DOCK9: variants seen among roughly 807,000 people sequenced by gnomAD.
DOCK9 encodes the protein dedicator of cytokinesis protein 9.
DOCK9 carries 89 observed loss-of-function variants against 263.3 expected under a neutral mutation model. The observed-to-expected ratio is 0.34, with a 90% confidence interval of 0.28 to 0.40. The LOEUF (loss-of-function observed/expected upper bound fraction) is 0.40, where lower values mean the gene tolerates loss of function less well. Among genes scored for constraint, DOCK9 ranks in the 10% least tolerant of loss-of-function variants. The pLI is 1.00. For missense variants in DOCK9, 2,140 were observed against 2,603.4 expected (o/e 0.82, Z 3.87); for synonymous variants, 976 against 973.1 (o/e 1.00, Z -0.06).
chr13:98,922,943 C>T (rs771764622), intron 5 of DOCK9, among the ~76,000 whole-genome samples: 1 of 152,174 alleles, frequency 6.6e-6, no homozygotes, highest in South Asian at 2.1e-4. Flanking sequence ...AAGAAATAGC[C>T]ATTTAAATCT....
In DOCK9 at chr13:98,829,844, G is replaced by A; in HGVS notation, c.4636-88C>T. The stretch of plus-strand genomic sequence containing the variant: ...CTGCGTTCAGTTAGGATGTGCCTAA[G>A]GACCCAGCAAAGTGGGGGTTGGGGG... On this transcript the variant is annotated intron_variant, in intron 41 of 52. Transcript: ENST00000682017. The surrounding 1 kb of genome is among the most constrained non-coding windows in gnomAD (Gnocchi z 4.1). 1 of 1,170,698 alleles carries A rather than the reference G, an allele frequency of 8.5e-7. No homozygotes were observed. The highest frequency in any genetic ancestry group is 1.2e-6 in the Non-Finnish European group (1 of 806,274). 72.5% of individuals were successfully genotyped at this position (1,170,698 alleles called of 1,614,324 possible). A position where few individuals can be genotyped will look rare whatever the true frequency, so the allele number is the denominator to read the frequency against.
chr13:98,878,978 C>T (rs1230462039), intron 27 of DOCK9, among the ~76,000 whole-genome samples: 1 of 152,110 alleles, frequency 6.6e-6, no homozygotes, highest in Non-Finnish European at 1.5e-5. Context: ...CCAGCACCAC[C>T]CGCTCCCTGC....
upstream of DOCK9, among the ~76,000 whole-genome samples, chr13:98,978,721 T>C (rs2141559785): frequency 6.6e-6 from 1 of 152,150 alleles, no homozygotes; most frequent in East Asian, 1.9e-4. Flanking sequence ...AAGTATAAGG[T>C]AGAGTATCTC....
At chr13:98,933,649 G>C (rs758102267) in intron 2 of DOCK9, among the ~76,000 whole-genome samples, 1 of 152,226 alleles carries the variant, frequency 6.6e-6, no homozygotes, top group Non-Finnish European at 1.5e-5. Flanking sequence ...TACATACGTA[G>C]TGTAGCATAA....
intron 2 of DOCK9, among the ~76,000 whole-genome samples, chr13:98,931,702 A>G (rs1423320742): frequency 6.6e-6 from 1 of 152,000 alleles, no homozygotes; most frequent in African/African-American, 2.4e-5. Flanking sequence ...AGTTCAAGTG[A>G]TTGTCATGCT....
In DOCK9 at chr13:98,809,482, A is replaced by C. The variant is rs775996605; in HGVS notation, c.5254-17T>G. 1.5e-5 allele frequency: 24 copies of C among 1,566,528 alleles called. No individual in the cohort carries two copies. Among genetic ancestry groups the C allele is most frequent in the Non-Finnish European group, 5.2e-6 (6 of 1,157,028 alleles). ...GGCCAGCCTCTGGAAAGCAGAACAA[A>C]GCCCATTTCTTCCCATGTGCAAAGA... On this transcript the variant is annotated splice_polypyrimidine_tract_variant and intron_variant, in intron 46 of 52. Transcript: ENST00000682017.
chr13:98,866,956 G>C (rs1447770582), intron 30 of DOCK9: 6 of 279,388 alleles, frequency 2.1e-5, no homozygotes, highest in Admixed American at 2.0e-4. Flanking sequence ...AAATTATATA[G>C]GAAATACTTA....
At chr13:98,925,378 G>GGT (rs201987676) in intron 4 of DOCK9, among the ~76,000 whole-genome samples, 103 of 83,506 alleles carry the variant, frequency 1.2e-3, no homozygotes, top group South Asian at 5.5e-3. Flanking sequence ...CATTAAAGGA[G>GGT]ATAAAAAAAA....
chr13:99,063,359 G>A (rs947812442), intron 1 of DOCK9, among the ~76,000 whole-genome samples: 1 of 152,246 alleles, frequency 6.6e-6, no homozygotes, highest in African/African-American at 2.4e-5. Flanking sequence ...GCCTCACCGA[G>A]CAGAGAATAC....
chr13:99,057,004 C>T (rs2142255189), intron 1 of DOCK9, among the ~76,000 whole-genome samples: 1 of 152,330 alleles, frequency 6.6e-6, no homozygotes, highest in East Asian at 1.9e-4. Context: ...TGCCAAGTAG[C>T]TGGTCTCTCA....
At chr13:99,086,501 G>T in exon 1 of DOCK9, 1 of 380,810 alleles carries the variant, frequency 2.6e-6, no homozygotes, top group Non-Finnish European at 3.6e-6. Context: ...CCGCGAGTCC[G>T]GCCGCCGCAG....
At chr13:99,068,693 A>G (rs1429815064) in intron 1 of DOCK9, among the ~76,000 whole-genome samples, 1 of 151,864 alleles carries the variant, frequency 6.6e-6, no homozygotes, top group Non-Finnish European at 1.5e-5. Context: ...ATCATTTAAC[A>G]GCAGTTACTT....
At chr13:98,862,099 C>T (rs1029699452) in intron 32 of DOCK9, among the ~76,000 whole-genome samples, 3 of 152,152 alleles carry the variant, frequency 2.0e-5, no homozygotes, top group Admixed American at 6.5e-5. Context: ...TGAGGCCTCA[C>T]AAGACATTGG....
exon 1 of DOCK9, chr13:99,086,360 C>CA (rs1399935061): frequency 5.3e-6 from 7 of 1,325,690 alleles, no homozygotes; most frequent in Non-Finnish European, 5.8e-6. Context: ...ATCCTCCTGC[C>CA]CCCGCCGCCT....
chr13:99,054,690 T>C (rs767845327), intron 1 of DOCK9, among the ~76,000 whole-genome samples: 1 of 152,238 alleles, frequency 6.6e-6, no homozygotes, highest in African/African-American at 2.4e-5. Flanking sequence ...CTCCTCTTTT[T>C]ACCTTTGCCA....
At chr13:99,019,352 G>A (rs954766113) in intron 1 of DOCK9, among the ~76,000 whole-genome samples, 8 of 152,092 alleles carry the variant, frequency 5.3e-5, no homozygotes, top group Admixed American at 5.2e-4. Flanking sequence ...CACACATATA[G>A]TCTGTGACTA....
intron 13 of DOCK9, among the ~76,000 whole-genome samples, chr13:98,901,159 G>A (rs1221404378): frequency 6.6e-6 from 1 of 152,186 alleles, no homozygotes; most frequent in Non-Finnish European, 1.5e-5. Context: ...TCAGTGTCCT[G>A]AAATATGAAA....
At chr13:99,077,205 AG>A (rs2041943029) in intron 1 of DOCK9, among the ~76,000 whole-genome samples, 1 of 152,176 alleles carries the variant, frequency 6.6e-6, no homozygotes, top group South Asian at 2.1e-4. Flanking sequence ...ACGGTAGCAA[AG>A]AAACCAGATA....
chr13:98,889,623 C>G (rs2046314058), intron 15 of DOCK9, among the ~76,000 whole-genome samples: 1 of 152,216 alleles, frequency 6.6e-6, no homozygotes, highest in African/African-American at 2.4e-5. Flanking sequence ...GGTTTTGACA[C>G]TAGTCTGCTC....
Sources: gnomAD v4.1 joint callset for allele counts (sites outside exome capture counted in the v4.1 genomes callset) on GRCh38, gnomAD v4.1.1 for gene constraint, Gnocchi (gnomAD v3.1) non-coding constraint, MANE v1.5 for transcripts, NCBI Gene and HGNC (gene_info 2026-07-23, HGNC 2026-07-21) for gene names.